The following STK3 variants were observed in gnomAD, a reference collection of about 807,000 sequenced individuals.
STK3 encodes serine/threonine-protein kinase 3.
A neutral mutation model predicts 58.0 loss-of-function variants in STK3; 41 were observed. The observed-to-expected ratio is 0.71, with a 90% CI of 0.55 to 0.92. The LOEUF (loss-of-function observed/expected upper bound fraction) is 0.92, where lower values mean the gene tolerates loss of function less well. STK3 is among the 40% of genes least tolerant of loss of function. STK3 has a pLI of 0.00. For missense variants in STK3, 479 were observed against 602.7 expected, an observed-to-expected ratio of 0.79 and a Z score of 2.15; for synonymous variants, 170 against 191.0, an observed-to-expected ratio of 0.89 and a Z score of 0.91.
At chr8:98,740,875 G>T (rs1829143223) in intron 4 of STK3, among the ~76,000 whole-genome samples, 2 of 152,006 alleles carry the variant, frequency 1.3e-5, no homozygotes, top group African/African-American at 2.4e-5. Flanking sequence ...ACACACAAAG[G>T]CTCAAAATAA....
At chr8:98,398,109 A>G (rs1563592199), downstream of STK3, among the ~76,000 whole-genome samples, 1 of 152,106 alleles carries the variant, frequency 6.6e-6, no homozygotes. Context: ...TGGCAGGAAA[A>G]CCTGCTGCCA....
intron 1 of STK3, among the ~76,000 whole-genome samples, chr8:98,929,095 G>A (rs368810548): frequency 2.0e-4 from 31 of 152,014 alleles, no homozygotes; most frequent in Middle Eastern, 3.4e-3. Flanking sequence ...GTGAAACCCC[G>A]TCTCTACTAA....
chr8:98,906,452 C>T (rs1449501245), intron 1 of STK3: 2 of 152,238 alleles, frequency 1.3e-5, no homozygotes, highest in Non-Finnish European at 2.9e-5. Context: ...GCAGCGCGGC[C>T]GCCAGTGCTT....
At chr8:98,616,829 A>C (rs1817771910) in intron 6 of STK3, among the ~76,000 whole-genome samples, 1 of 149,946 alleles carries the variant, frequency 6.7e-6, no homozygotes, top group Non-Finnish European at 1.5e-5. Context: ...TGAGTGACCT[A>C]CAAAGAGACT....
intron 3 of STK3, among the ~76,000 whole-genome samples, chr8:98,878,026 TGCAACAACA>T (rs915203887): frequency 4.2e-4 from 64 of 151,866 alleles, no homozygotes; most frequent in Admixed American, 3.3e-4. Context: ...CCAAATTTGT[TGCAACAACA>T]GCAACAACAA....
intron 4 of STK3, among the ~76,000 whole-genome samples, chr8:98,717,773 T>C (rs1463846827): frequency 6.6e-6 from 1 of 152,180 alleles, no homozygotes; most frequent in African/African-American, 2.4e-5. Context: ...TTATTCACAA[T>C]GGCTAAAAAG....
chr8:98,898,041 C>T (rs1838521524), intron 1 of STK3, among the ~76,000 whole-genome samples: 1 of 152,166 alleles, frequency 6.6e-6, no homozygotes, highest in Non-Finnish European at 1.5e-5. Flanking sequence ...TAAGAAGGAA[C>T]TTGATTATAT....
intron 10 of STK3, among the ~76,000 whole-genome samples, chr8:98,513,116 A>C (rs1324076403): frequency 6.6e-6 from 1 of 152,168 alleles, no homozygotes; most frequent in Non-Finnish European, 1.5e-5. Context: ...TGCTGACTGA[A>C]AGTGTTTAAC....
downstream of STK3, chr8:98,880,860 C>T (rs1033809163): frequency 6.6e-6 from 1 of 152,146 alleles, no homozygotes; most frequent in Non-Finnish European, 1.5e-5. Flanking sequence ...GCAACAGAAA[C>T]TTCAGTTCAT....
At chr8:98,642,769 T>C (rs1320223714) in intron 6 of STK3, among the ~76,000 whole-genome samples, 1 of 152,210 alleles carries the variant, frequency 6.6e-6, no homozygotes, top group Non-Finnish European at 1.5e-5. Context: ...GGATCACATA[T>C]GATTACCTAG....
intron 3 of STK3, chr8:98,429,688 C>T: frequency 4.7e-6 from 2 of 423,398 alleles, no homozygotes; most frequent in African/African-American, 2.0e-5. Flanking sequence ...CAGATGAGTA[C>T]ACCCAGAATG....
intron 6 of STK3, among the ~76,000 whole-genome samples, chr8:98,663,890 C>A (rs1458095174): frequency 6.6e-6 from 1 of 152,268 alleles, no homozygotes; most frequent in African/African-American, 2.4e-5. Context: ...TCCTTTACAA[C>A]AAACTTTTCC....
At chr8:98,579,057 A>C (rs186320851) in intron 8 of STK3, among the ~76,000 whole-genome samples, 168 of 152,274 alleles carry the variant, frequency 1.1e-3, no homozygotes, top group Non-Finnish European at 1.3e-3. Context: ...AGGCTGAGGC[A>C]GGAGAATCGC....
At chr8:98,405,371 T>C (rs1817983892) in intron 3 of STK3, among the ~76,000 whole-genome samples, 1 of 152,250 alleles carries the variant, frequency 6.6e-6, no homozygotes, top group African/African-American at 2.4e-5. Flanking sequence ...CATAAAGTGC[T>C]TAGGATTTGT....
upstream of STK3, among the ~76,000 whole-genome samples, chr8:98,389,920 G>A (rs560600350): frequency 3.3e-5 from 5 of 152,006 alleles, no homozygotes; most frequent in East Asian, 1.9e-4. Context: ...GATGGGATGC[G>A]ACTGAGCAGA....
At chr8:98,653,688 G>C (rs1301116525) in intron 6 of STK3, among the ~76,000 whole-genome samples, 1 of 152,174 alleles carries the variant, frequency 6.6e-6, no homozygotes, top group South Asian at 2.1e-4. Flanking sequence ...ACTACCATCA[G>C]AGAATACTAT....
intron 3 of STK3, among the ~76,000 whole-genome samples, chr8:98,753,989 ACT>A (rs1830137915): frequency 6.6e-6 from 1 of 152,192 alleles, no homozygotes; most frequent in South Asian, 2.1e-4. Context: ...AAACAAAAAT[ACT>A]CTAACAGCTC....
chr8:98,413,527 A>G (rs1240022140), intron 3 of STK3: 1 of 645,820 alleles, frequency 1.5e-6, no homozygotes, highest in African/African-American at 1.8e-5. Flanking sequence ...CTTAAAGGAG[A>G]TACTTCAACT....
At chr8:98,755,141 A>T (rs190609911) in intron 3 of STK3, among the ~76,000 whole-genome samples, 1 of 152,326 alleles carries the variant, frequency 6.6e-6, no homozygotes, top group East Asian at 1.9e-4. Flanking sequence ...ACACCTCTAT[A>T]ACATAAAACA....
Sources: allele counts gnomAD v4.1 joint callset (sites outside exome capture counted in the v4.1 genomes callset), GRCh38; gene constraint gnomAD v4.1.1; transcripts MANE v1.5; gene names NCBI Gene and HGNC (gene_info 2026-07-23, HGNC 2026-07-21).